Variants in FOXP2 observed in about 807,000 individuals in gnomAD.
FOXP2 encodes the protein forkhead box P2.
A neutral mutation model predicts 115.8 loss-of-function variants in FOXP2; 12 were observed. The ratio of observed to expected loss-of-function variants is 0.10; its 90% CI spans 0.07 to 0.17. FOXP2 has a LOEUF of 0.17. FOXP2 is among the 10% of genes least tolerant of loss of function. FOXP2 has a pLI of 1.00. For synonymous variants in FOXP2, 328 were observed against 297.7 expected, an observed-to-expected ratio of 1.10 and a Z score of -1.05; for missense variants, 629 against 843.5, an observed-to-expected ratio of 0.75 and a Z score of 3.15.
chr7:114,169,271 G>C (rs1584520310), intron 1 of FOXP2, among the ~76,000 whole-genome samples: 1 of 152,222 alleles, frequency 6.6e-6, no homozygotes, highest in Non-Finnish European at 1.5e-5. Context: ...GCTGGTGAAA[G>C]CAGCCGGGAG....
intron 1 of FOXP2, among the ~76,000 whole-genome samples, chr7:114,212,056 C>T (rs906282566): frequency 4.2e-5 from 6 of 142,438 alleles, no homozygotes; most frequent in Admixed American, 1.5e-4. Flanking sequence ...GCGACTGGAG[C>T]GAAACTCAGT....
chr7:114,394,365 C>T (rs1354422484), intron 2 of FOXP2, among the ~76,000 whole-genome samples: 5 of 150,268 alleles, frequency 3.3e-5, no homozygotes, highest in Admixed American at 6.6e-5. Context: ...AATTATAAAC[C>T]GTTGAATAAA....
intron 2 of FOXP2, among the ~76,000 whole-genome samples, chr7:114,326,354 C>A (rs1424994279): frequency 1.3e-5 from 2 of 152,018 alleles, no homozygotes; most frequent in African/African-American, 2.4e-5. Flanking sequence ...TAAACCAGAA[C>A]CTTGTCTGAA....
chr7:114,247,422 GTTTC>G (rs1795313361), intron 1 of FOXP2, among the ~76,000 whole-genome samples: 1 of 152,038 alleles, frequency 6.6e-6, no homozygotes. Context: ...GCTAACCTCT[GTTTC>G]TTTTTTTCAC....
At position 114,688,997 on chromosome 7, in the gene FOXP2, A is replaced by G. The variant is rs563978098; in HGVS notation, c.2004-785A>G. 1.7e-4 allele frequency among the ~76,000 whole-genome samples: 26 copies of G among 152,262 alleles called. No individual in the cohort carries two copies. In the East Asian group the frequency reaches 4.8e-3, roughly 28 times the overall value. ...AGGATGAAAAAATTTGATTATTTATATATAATATTTTTCCACCAGGTGCTA... is the reference window on the plus strand; with the variant it reads ...AGGATGAAAAAATTTGATTATTTATGTATAATATTTTTCCACCAGGTGCTA... On this transcript the variant is annotated intron_variant, in intron 16 of 16. Transcript: ENST00000350908.
chr7:114,680,552 T>C (rs1369251391), intron 16 of FOXP2, among the ~76,000 whole-genome samples: 2 of 152,170 alleles, frequency 1.3e-5, no homozygotes, highest in African/African-American at 4.8e-5. Context: ...GTACTTGGCA[T>C]ATTTTAGGTG....
At chr7:114,567,450 A>G (rs542802403) in intron 3 of FOXP2, among the ~76,000 whole-genome samples, 29 of 152,270 alleles carry the variant, frequency 1.9e-4, no homozygotes, top group Non-Finnish European at 3.4e-4. Context: ...TCTTATGTTC[A>G]GCACTAAATG....
intron 2 of FOXP2, among the ~76,000 whole-genome samples, chr7:114,458,145 T>C (rs1795400181): frequency 1.3e-5 from 2 of 152,184 alleles, no homozygotes. Context: ...AACTAAAATA[T>C]CTGAACATAT....
At chr7:114,578,687 A>G (rs1801693895) in intron 3 of FOXP2, among the ~76,000 whole-genome samples, 1 of 152,180 alleles carries the variant, frequency 6.6e-6, no homozygotes, top group African/African-American at 2.4e-5. Context: ...CCAGATGGAT[A>G]TCATGATTAC....
At chr7:114,441,739 A>T (rs540757169) in intron 2 of FOXP2, among the ~76,000 whole-genome samples, 2 of 152,214 alleles carry the variant, frequency 1.3e-5, no homozygotes, top group Non-Finnish European at 2.9e-5. Context: ...AATGGGCAAG[A>T]GGCATGTAAA....
intron 2 of FOXP2, among the ~76,000 whole-genome samples, chr7:114,484,587 T>C (rs1188752446): frequency 6.6e-6 from 1 of 151,912 alleles, no homozygotes. Flanking sequence ...ATAATGACAT[T>C]GATTGTTCAC....
chr7:114,534,812 A>G (rs897551783), intron 3 of FOXP2, 106 bp downstream of exon 3: 1 of 821,576 alleles, frequency 1.2e-6, no homozygotes, highest in African/African-American at 1.7e-5. Flanking sequence ...TTACATTTGC[A>G]TATGTAGGTA....
In FOXP2 at chr7:114,612,024, C is replaced by T. The variant is rs563367357; in HGVS notation, c.259-16516C>T. On this transcript the variant is annotated intron_variant, in intron 3 of 16. Coordinates refer to ENST00000350908, the MANE Select transcript of FOXP2 (RefSeq NM_014491.4). Reference sequence around the variant, plus strand: ...CTTTTAAGTATACTTTTTAAGGACTCTATAAAATTTAATTATATGAAAAAC... The same window carrying T: ...CTTTTAAGTATACTTTTTAAGGACTTTATAAAATTTAATTATATGAAAAAC... Among the ~76,000 whole-genome samples the T allele has an allele frequency of 1.1e-4, 16 of 152,116 alleles. No individual in the cohort carries two copies. The East Asian group carries it at 3.1e-3, about 29-fold the overall frequency.
intron 3 of FOXP2, among the ~76,000 whole-genome samples, chr7:114,593,362 T>C (rs549837160): frequency 6.6e-6 from 1 of 152,090 alleles, no homozygotes; most frequent in Admixed American, 6.6e-5. Flanking sequence ...GTGAACATAT[T>C]TTTGACGTAT....
intron 2 of FOXP2, among the ~76,000 whole-genome samples, chr7:114,521,560 G>T (rs1270395717): frequency 3.3e-5 from 5 of 149,690 alleles, no homozygotes; most frequent in Admixed American, 2.0e-4. Flanking sequence ...AAAAGGGTAG[G>T]GGTGCCGTTT....
chr7:114,497,247 A>G (rs918557619), intron 2 of FOXP2, among the ~76,000 whole-genome samples: 1 of 152,230 alleles, frequency 6.6e-6, no homozygotes, highest in Non-Finnish European at 1.5e-5. Context: ...AACAGCTTTC[A>G]TCTTTCCTAT....
intron 3 of FOXP2, among the ~76,000 whole-genome samples, chr7:114,595,501 G>T (rs1256454865): frequency 6.6e-6 from 1 of 151,994 alleles, no homozygotes; most frequent in African/African-American, 2.4e-5. Context: ...TTTTCTGAAA[G>T]ATGTTTATGA....
At position 114,344,229 on chromosome 7, in the gene FOXP2, CTA is replaced by C. The variant is rs775422538; in HGVS notation, c.-11+56122_-11+56123del. On this transcript the variant is annotated intron_variant, in intron 2 of 17. Transcript: ENST00000634411. ...ACACCTGTGATTTTTGGCTTCGGTT[CTA>C]TGATACTCATCAATATCTAAGCTCA... Among the ~76,000 whole-genome samples, 6 of 151,806 alleles carry C rather than the reference CTA, an allele frequency of 4.0e-5. No individual in the cohort carries two copies. The East Asian group carries it at 7.7e-4, about 20-fold the overall frequency.
intron 1 of FOXP2, among the ~76,000 whole-genome samples, chr7:114,202,995 A>G (rs1175500184): frequency 6.6e-6 from 1 of 152,182 alleles, no homozygotes; most frequent in African/African-American, 2.4e-5. Context: ...CCTCAACCAA[A>G]TATCATTGCT....
Sources: gnomAD v4.1 joint callset for allele counts (sites outside exome capture counted in the v4.1 genomes callset) on GRCh38, gnomAD v4.1.1 for gene constraint, MANE v1.5 for transcripts, NCBI Gene and HGNC (gene_info 2026-07-23, HGNC 2026-07-21) for gene names.